Variants in SDK1 observed in about 807,000 individuals in gnomAD.
SDK1 encodes protein sidekick-1.
In SDK1, 157 loss-of-function variants were observed where a neutral mutation model predicts 245.5. The ratio of observed to expected loss-of-function variants is 0.64; its 90% CI spans 0.56 to 0.73. SDK1 has a LOEUF of 0.73. SDK1 is among the 30% of genes least tolerant of loss of function. The probability of loss-of-function intolerance (pLI) is 0.00; values close to 1 mark genes in which losing one functional copy is unlikely to be tolerated. For missense variants in SDK1, 3,583 were observed against 3,002.3 expected (o/e 1.19, Z -4.52); for synonymous variants, 1,647 against 1,278.5 (o/e 1.29, Z -6.15).
At chr7:3,627,826 A>T (rs545275176) in intron 2 of SDK1, among the ~76,000 whole-genome samples, 2 of 152,268 alleles carry the variant, frequency 1.3e-5, no homozygotes, top group East Asian at 1.9e-4. Flanking sequence ...CTCTCTAGTG[A>T]TATAAAAAAT....
At chr7:3,716,870 T>A in intron 4 of SDK1, among the ~76,000 whole-genome samples, 1 of 149,986 alleles carries the variant, frequency 6.7e-6, no homozygotes. Context: ...AAGAAGAAAA[T>A]GATCAGAGAA....
rs548879031 is a variant in SDK1 at position 3,670,533 on chromosome 7, C to T, written c.713+28428C>T. On this transcript the variant is annotated intron_variant, in intron 4 of 44. Coordinates refer to ENST00000404826, the MANE Select transcript of SDK1 (RefSeq NM_152744.4). The stretch of plus-strand genomic sequence containing the variant: ...ATCTCTGAAATGCAGTTATTAGTCT[C>T]AGCTTCTTAGGGGATTTGTGTGAAT... Among the ~76,000 whole-genome samples, 27 of 152,210 alleles carry T rather than the reference C, an allele frequency of 1.8e-4. 1 individual carries two copies. The highest frequency in any genetic ancestry group is 2.5e-4 in the Non-Finnish European group (17 of 68,034).
intron 1 of SDK1, among the ~76,000 whole-genome samples, chr7:3,347,221 A>T (rs890259217): frequency 6.6e-6 from 1 of 151,258 alleles, no homozygotes; most frequent in African/African-American, 2.4e-5. Context: ...CACAAACCAG[A>T]TTTTTTTTTA....
chr7:3,891,945 A>G (rs1382383087), intron 5 of SDK1, among the ~76,000 whole-genome samples: 1 of 152,194 alleles, frequency 6.6e-6, no homozygotes, highest in East Asian at 1.9e-4. Context: ...ACGGTGTCAA[A>G]GGCATTCTAT....
chr7:3,747,382 A>G (rs1241709476), intron 4 of SDK1, among the ~76,000 whole-genome samples: 1 of 152,118 alleles, frequency 6.6e-6, no homozygotes, highest in Admixed American at 6.5e-5. Context: ...TTCTTGCAAT[A>G]TTTATTGAAG....
chr7:3,329,646 G>T (rs966510989), intron 1 of SDK1, among the ~76,000 whole-genome samples: 2 of 152,164 alleles, frequency 1.3e-5, no homozygotes, highest in African/African-American at 4.8e-5. Flanking sequence ...TTGACTGGCT[G>T]CTTTAACTTG....
intron 44 of SDK1, among the ~76,000 whole-genome samples, chr7:4,253,739 T>A (rs1787456436): frequency 6.6e-6 from 1 of 152,206 alleles, no homozygotes; most frequent in Non-Finnish European, 1.5e-5. Context: ...CTATTTGTAT[T>A]GAATTGTCTG....
chr7:3,858,972 C>T (rs1336403079), intron 5 of SDK1, among the ~76,000 whole-genome samples: 1 of 151,126 alleles, frequency 6.6e-6, no homozygotes, highest in African/African-American at 2.4e-5. Context: ...ACGGCATTCT[C>T]CTGCCTCAGC....
chr7:3,338,668 G>A, intron 1 of SDK1: 2 of 180,140 alleles, frequency 1.1e-5, no homozygotes, highest in Admixed American at 6.2e-5. Context: ...ACTCTGGACT[G>A]TGTTTAAAGA....
intron 35 of SDK1, among the ~76,000 whole-genome samples, chr7:4,189,267 G>A (rs1002439804): frequency 7.3e-5 from 11 of 150,418 alleles, no homozygotes; most frequent in Admixed American, 3.9e-4. Context: ...TTATTGCGGC[G>A]GTTGCTGTGA....
intron 5 of SDK1, among the ~76,000 whole-genome samples, chr7:3,870,803 G>A (rs2115133244): frequency 6.6e-6 from 1 of 152,168 alleles, no homozygotes; most frequent in South Asian, 2.1e-4. Flanking sequence ...TTTGTCTGTT[G>A]CAGTATCCAC....
intron 1 of SDK1, among the ~76,000 whole-genome samples, chr7:3,343,342 G>GC (rs1458910182): frequency 6.6e-6 from 1 of 152,098 alleles, no homozygotes; most frequent in Non-Finnish European, 1.5e-5. Flanking sequence ...AATAAAAAGG[G>GC]CCAAAGTATT....
chr7:3,498,424 A>G (rs898123286), intron 1 of SDK1, among the ~76,000 whole-genome samples: 1 of 152,188 alleles, frequency 6.6e-6, no homozygotes, highest in Non-Finnish European at 1.5e-5. Flanking sequence ...TTTCTCATCT[A>G]TAAAATGAAT....
intron 17 of SDK1, among the ~76,000 whole-genome samples, chr7:4,023,429 G>A (rs2128155094): frequency 6.6e-6 from 1 of 152,330 alleles, no homozygotes; most frequent in Non-Finnish European, 1.5e-5. Context: ...TGCTCTCACA[G>A]AAGCTGTGGC....
chr7:3,603,665 A>G (rs2128639540), intron 1 of SDK1, among the ~76,000 whole-genome samples: 1 of 152,204 alleles, frequency 6.6e-6, no homozygotes, highest in South Asian at 2.1e-4. Flanking sequence ...ATAATTGAAT[A>G]CCCTTTGTTT....
intron 4 of SDK1, among the ~76,000 whole-genome samples, chr7:3,744,638 C>T (rs937486232): frequency 3.3e-5 from 5 of 151,922 alleles, no homozygotes; most frequent in African/African-American, 1.2e-4. Flanking sequence ...GATGAAACCC[C>T]GTCTCTACTA....
At chr7:3,549,881 A>G (rs1433492570) in intron 1 of SDK1, among the ~76,000 whole-genome samples, 3 of 152,142 alleles carry the variant, frequency 2.0e-5, no homozygotes, top group Non-Finnish European at 4.4e-5. Context: ...TCCTTGAGCT[A>G]AAATTTAGCC....
intron 1 of SDK1, among the ~76,000 whole-genome samples, chr7:3,565,402 C>T (rs1490973643): frequency 6.6e-6 from 1 of 152,210 alleles, no homozygotes; most frequent in Non-Finnish European, 1.5e-5. Context: ...CTCATTACCT[C>T]TGCTGCTACT....
intron 22 of SDK1, among the ~76,000 whole-genome samples, chr7:4,079,954 G>C (rs1780949116): frequency 6.6e-6 from 1 of 152,182 alleles, no homozygotes; most frequent in Admixed American, 6.5e-5. Context: ...TGTGTCATTA[G>C]CTATGCATTC....
Sources: allele counts gnomAD v4.1 joint callset (sites outside exome capture counted in the v4.1 genomes callset), GRCh38; gene constraint gnomAD v4.1.1; transcripts MANE v1.5; gene names NCBI Gene and HGNC (gene_info 2026-07-23, HGNC 2026-07-21).